CLEC19A: variants seen among roughly 807,000 people sequenced by gnomAD.
CLEC19A encodes the protein C-type lectin domain containing 19A, also known as C-type lectin domain family 19 member A.
A neutral mutation model predicts 26.1 loss-of-function variants in CLEC19A; 21 were observed. The ratio of observed to expected loss-of-function variants is 0.80; its 90% CI spans 0.57 to 1.16. The LOEUF (loss-of-function observed/expected upper bound fraction) is 1.16. Among genes scored for constraint, CLEC19A ranks in the 50% most tolerant of loss-of-function variants. CLEC19A has a pLI of 0.00. For missense variants in CLEC19A, 224 were observed against 227.6 expected (o/e 0.98, Z 0.10); for synonymous variants, 89 against 88.6 (o/e 1.00, Z -0.03).
intron 1 of CLEC19A, among the ~76,000 whole-genome samples, chr16:19,290,959 C>A (rs758551854): frequency 6.6e-5 from 10 of 152,266 alleles, no homozygotes; most frequent in East Asian, 1.9e-4. Context: ...CCTCTTCAGT[C>A]TCTTGAGTAG....
intron 3 of CLEC19A, among the ~76,000 whole-genome samples, chr16:19,306,847 A>G (rs1897966839): frequency 6.6e-6 from 1 of 152,208 alleles, no homozygotes; most frequent in Non-Finnish European, 1.5e-5. Flanking sequence ...TCTCTCTCTC[A>G]GAAGTAGCAT....
intron 1 of CLEC19A, among the ~76,000 whole-genome samples, chr16:19,290,806 A>T (rs1327659394): frequency 6.8e-6 from 1 of 146,338 alleles, no homozygotes; most frequent in Non-Finnish European, 1.5e-5. Context: ...TTACATGCTA[A>T]TGACATCTTT....
In CLEC19A at chr16:19,310,394, C is replaced by A; in HGVS notation, c.*1311C>A. 1 of 152,454 alleles carries A rather than the reference C, an allele frequency of 6.6e-6. No individual in the cohort carries two copies. Among genetic ancestry groups the A allele is most frequent in the South Asian group, 2.0e-4 (1 of 5,098 alleles). The allele number at this position is 152,454 out of a possible 1,614,324, so 9.4% of individuals were successfully genotyped here. A position where few individuals can be genotyped will look rare whatever the true frequency, so the allele number is the denominator to read the frequency against. On this transcript the variant is annotated 3_prime_UTR_variant, in exon 5 of 5. Transcript: ENST00000636231. Reference sequence around the variant, plus strand: ...GCTGAGATGGGAGGATCACTTGAGCCCAGGATATCAAGGCTGCAATGGACC... The same window carrying A: ...GCTGAGATGGGAGGATCACTTGAGCACAGGATATCAAGGCTGCAATGGACC...
chr16:19,307,819 A>C, intron 4 of CLEC19A, 142 bp downstream of exon 4: 3 of 1,092,290 alleles, frequency 2.7e-6, no homozygotes, highest in Non-Finnish European at 3.9e-6. Flanking sequence ...AGAGCGGTGG[A>C]GGTCACTAGG....
rs1898020184 is a variant in CLEC19A at position 19,309,299 on chromosome 16, T to G, written c.*216T>G. The G allele has an allele frequency of 2.1e-6, 1 of 479,496 alleles. No individual in the cohort carries two copies. The allele number at this position is 479,496 out of a possible 1,614,324, so 29.7% of individuals were successfully genotyped here. Reference sequence around the variant, plus strand: ...GGCTTAATTTTTTAAAGTGTTTTTTTTTTTAAATTGACCCAAGTAACAAAA... The same window carrying G: ...GGCTTAATTTTTTAAAGTGTTTTTTGTTTTAAATTGACCCAAGTAACAAAA... On this transcript the variant is annotated 3_prime_UTR_variant, in exon 5 of 5. Transcript: ENST00000636231.
At chr16:19,293,058 G>A (rs1456441310) in intron 1 of CLEC19A, among the ~76,000 whole-genome samples, 1 of 152,092 alleles carries the variant, frequency 6.6e-6, no homozygotes, top group African/African-American at 2.4e-5. Context: ...AGAAAGAACA[G>A]ACTGAATTAG....
At chr16:19,293,222 A>G (rs558782424) in intron 1 of CLEC19A, among the ~76,000 whole-genome samples, 10 of 152,340 alleles carry the variant, frequency 6.6e-5, no homozygotes, top group African/African-American at 1.9e-4. Flanking sequence ...ATCCCAGCCA[A>G]TACTAGAGAG....
intron 4 of CLEC19A, among the ~76,000 whole-genome samples, chr16:19,308,318 C>T (rs1897999138): frequency 6.6e-6 from 1 of 152,210 alleles, no homozygotes; most frequent in Non-Finnish European, 1.5e-5. Flanking sequence ...ACCCCCGCTC[C>T]ATCCTTAATG....
At chr16:19,296,305 C>A (rs987193891) in intron 1 of CLEC19A, among the ~76,000 whole-genome samples, 1 of 152,262 alleles carries the variant, frequency 6.6e-6, no homozygotes, top group Admixed American at 6.5e-5. Flanking sequence ...ATGAAAGCAA[C>A]TGTCCCTTTC....
At chr16:19,308,877 C>G in intron 4 of CLEC19A, 127 bp from the exon 5 acceptor site, 1 of 690,478 alleles carries the variant, frequency 1.4e-6, no homozygotes, top group Non-Finnish European at 2.5e-6. Context: ...CAAGTATCAG[C>G]AAGAAAGGGC....
chr16:19,288,621 T>C (rs1897520512), intron 1 of CLEC19A, among the ~76,000 whole-genome samples: 1 of 152,204 alleles, frequency 6.6e-6, no homozygotes, highest in Admixed American at 6.5e-5. Flanking sequence ...ACAGACTAAA[T>C]CCTTTTCCCA....
intron 2 of CLEC19A, among the ~76,000 whole-genome samples, chr16:19,301,927 T>G (rs1235448230): frequency 1.3e-5 from 2 of 151,772 alleles, no homozygotes; most frequent in Non-Finnish European, 2.9e-5. Flanking sequence ...GCATTAAAAG[T>G]GATCATGCCT....
intron 1 of CLEC19A, among the ~76,000 whole-genome samples, chr16:19,291,634 A>G (rs1897585690): frequency 6.6e-6 from 1 of 152,254 alleles, no homozygotes; most frequent in Non-Finnish European, 1.5e-5. Flanking sequence ...AAAGCTAAAG[A>G]AATCCCTTCA....
At chr16:19,307,830 G>C (rs990003880) in intron 4 of CLEC19A, among the ~76,000 whole-genome samples, 153 bp downstream of exon 4, 10 of 152,190 alleles carry the variant, frequency 6.6e-5, no homozygotes, top group African/African-American at 2.2e-4. Context: ...GGTCACTAGG[G>C]TGTCGGGGGC....
intron 3 of CLEC19A, chr16:19,304,895 T>A (rs1010428875): frequency 3.3e-5 from 5 of 152,390 alleles, no homozygotes; most frequent in African/African-American, 1.2e-4. Context: ...CACAGCACAG[T>A]GCTGAGAAAG....
In CLEC19A at chr16:19,301,736, G is replaced by GTT. The variant is rs1171248968; in HGVS notation, c.255-2299_255-2298dup. On this transcript the variant is annotated intron_variant, in intron 2 of 4. Coordinates refer to ENST00000636231, the MANE Select transcript of CLEC19A (RefSeq NM_001256720.2). ...ATGACACCATGCCCAGGTTTTTTTG[G>GTT]TTTTTTTTTTTTTTTTTTTTTTTTT... 6.1e-4 allele frequency among the ~76,000 whole-genome samples: 50 copies of GTT among 81,474 alleles called. 1 individual carries two copies. Among genetic ancestry groups the GTT allele is most frequent in the East Asian group, 1.1e-3 (4 of 3,506 alleles). The allele number at this position is 81,474 out of a possible 152,430, so 53.5% of individuals were successfully genotyped here. A position where few individuals can be genotyped will look rare whatever the true frequency, so the allele number is the denominator to read the frequency against.
rs1466186366 is a variant in CLEC19A, at chr16:19,310,339, T to G, written c.*1256T>G. The G allele has an allele frequency of 6.6e-6, 1 of 151,928 alleles. No homozygotes were observed. Among genetic ancestry groups the G allele is most frequent in the Non-Finnish European group, 1.5e-5 (1 of 67,988 alleles). 9.4% of individuals were successfully genotyped at this position (151,928 alleles called of 1,614,324 possible). A position where few individuals can be genotyped will look rare whatever the true frequency, so the allele number is the denominator to read the frequency against. On this transcript the variant is annotated 3_prime_UTR_variant, in exon 5 of 5. Transcript: ENST00000636231. ...TTTTTTAATTAGCCAAGCATGGTGA[T>G]GCACATCTGTAGTCCCAGCTGTTTG...
chr16:19,296,243 C>T (rs187680850), intron 1 of CLEC19A, among the ~76,000 whole-genome samples: 22 of 152,348 alleles, frequency 1.4e-4, no homozygotes, highest in Admixed American at 1.1e-3. Flanking sequence ...GTGGTACTGA[C>T]CAGCCCTGAG....
intron 3 of CLEC19A, 167 bp downstream of exon 3, chr16:19,304,322 C>A: frequency 3.2e-5 from 16 of 501,690 alleles, no homozygotes; most frequent in Admixed American, 5.5e-5. Context: ...TTGTGAAAGA[C>A]ATTTAATGAT....
Sources: gnomAD v4.1 joint callset for allele counts (sites outside exome capture counted in the v4.1 genomes callset) on GRCh38, gnomAD v4.1.1 for gene constraint, MANE v1.5 for transcripts, NCBI Gene and HGNC (gene_info 2026-07-23, HGNC 2026-07-21) for gene names.